The following TMCC1 variants were observed in gnomAD, a reference collection of about 807,000 sequenced individuals.
TMCC1 encodes the protein transmembrane and coiled-coil domain family 1.
In TMCC1, 15 loss-of-function variants were observed where a neutral mutation model predicts 52.4. The observed-to-expected ratio is 0.29, with a 90% confidence interval of 0.19 to 0.44. The LOEUF (loss-of-function observed/expected upper bound fraction) is 0.44, where lower values mean the gene tolerates loss of function less well. TMCC1 is among the 20% of genes least tolerant of loss of function. The pLI, the probability that TMCC1 is intolerant of heterozygous loss-of-function variation, is 1.00. For synonymous variants in TMCC1, 279 were observed against 301.9 expected (o/e 0.92, Z 0.79); for missense variants, 503 against 806.0 (o/e 0.62, Z 4.55).
intron 4 of TMCC1, among the ~76,000 whole-genome samples, chr3:129,753,319 A>G (rs2052697433): frequency 6.6e-6 from 1 of 152,218 alleles, no homozygotes; most frequent in Admixed American, 6.5e-5. Flanking sequence ...AAAAAGAGTG[A>G]ATTTTAGGAA....
chr3:129,717,431 C>T (rs1241889968), intron 4 of TMCC1, among the ~76,000 whole-genome samples: 4 of 152,112 alleles, frequency 2.6e-5, no homozygotes, highest in Non-Finnish European at 4.4e-5. Context: ...CTTCTTCTCC[C>T]TAATTACATT....
rs1472562154 is a variant in TMCC1, at chr3:129,670,917, C to T, written c.924G>A (p.Glu308=). 6.2e-7 allele frequency: 1 copy of T among 1,614,086 alleles called. No individual in the cohort carries two copies. Reference sequence around the variant, plus strand: ...GCCGGGGGATCCCATTCTGCTCTACCTCTCTGAGCTTCCTGTGGTAGTGCT... The same window carrying T: ...GCCGGGGGATCCCATTCTGCTCTACTTCTCTGAGCTTCCTGTGGTAGTGCT... ...KLEHYHRKLR[E]VEQNGIPRQP... Residue 308 remains glutamate, a synonymous_variant, in exon 5 of 7, where the codon GAG becomes GAA. Transcript: ENST00000393238.
chr3:129,668,615 AC>A (rs1225962887), intron 5 of TMCC1, among the ~76,000 whole-genome samples: 21 of 152,290 alleles, frequency 1.4e-4, no homozygotes, highest in African/African-American at 4.3e-4. Flanking sequence ...TTCTCAGTAT[AC>A]TTAAGAATTT....
intron 2 of TMCC1, among the ~76,000 whole-genome samples, chr3:129,860,162 T>C (rs1458533823): frequency 6.6e-6 from 1 of 152,194 alleles, no homozygotes; most frequent in Non-Finnish European, 1.5e-5. Context: ...TACTCCTTAC[T>C]AAGAACCACC....
chr3:129,671,911 T>A (rs1374062045), intron 4 of TMCC1, among the ~76,000 whole-genome samples: 2 of 152,162 alleles, frequency 1.3e-5, no homozygotes, highest in Admixed American at 1.3e-4. Context: ...CAAAGATGAA[T>A]GTTACCAAAT....
At chr3:129,891,660 A>C (rs1306461104) in intron 1 of TMCC1, among the ~76,000 whole-genome samples, 1 of 152,234 alleles carries the variant, frequency 6.6e-6, no homozygotes. Flanking sequence ...CCATACATAC[A>C]GAATAAAGCT....
At chr3:129,798,344 G>A (rs1255103384) in intron 4 of TMCC1, among the ~76,000 whole-genome samples, 4 of 151,918 alleles carry the variant, frequency 2.6e-5, no homozygotes, top group Non-Finnish European at 5.9e-5. Context: ...CATTTTTCTC[G>A]CAGAGATAGT....
At chr3:129,672,294 G>C (rs2088017828) in intron 4 of TMCC1, among the ~76,000 whole-genome samples, 1 of 152,162 alleles carries the variant, frequency 6.6e-6, no homozygotes, top group Admixed American at 6.5e-5. Flanking sequence ...TCCCAAAGAA[G>C]AAGGCTCTAG....
chr3:129,670,743 G>A lies in TMCC1; in HGVS notation c.1098C>T (p.Val366=), dbSNP rs1245749966. ...QATHSAAGAV[V]SKPREIASLI... ...GTGAGGCAATCTCTCTGGGCTTTGA[G>A]ACTACAGCGCCTGCTGCTGAATGGG... is the stretch of plus-strand genomic sequence containing the variant. The change falls in exon 5 of 7, where the codon GTC becomes GTT. Residue 366 remains valine, a synonymous_variant. Coordinates refer to ENST00000393238, the MANE Select transcript of TMCC1 (RefSeq NM_001017395.5). The A allele has an allele frequency of 6.2e-7, 1 of 1,614,154 alleles. No homozygotes were observed. The highest frequency in any genetic ancestry group is 1.7e-5 in the Admixed American group (1 of 60,020).
intron 4 of TMCC1, among the ~76,000 whole-genome samples, chr3:129,686,877 C>G (rs574369986): frequency 6.6e-6 from 1 of 152,084 alleles, no homozygotes; most frequent in South Asian, 2.1e-4. Flanking sequence ...GTAGGTTTCA[C>G]ATGCCAAGAA....
At chr3:129,796,625 G>A (rs1161205704) in intron 4 of TMCC1, among the ~76,000 whole-genome samples, 1 of 152,084 alleles carries the variant, frequency 6.6e-6, no homozygotes, top group East Asian at 1.9e-4. Flanking sequence ...TTCAAGACCA[G>A]CCTAGGCAAC....
chr3:129,763,204 T>TAAA (rs1177489452), intron 4 of TMCC1, among the ~76,000 whole-genome samples: 1 of 106,966 alleles, frequency 9.3e-6, no homozygotes, highest in African/African-American at 4.7e-5. Flanking sequence ...TCTCAAAAAA[T>TAAA]AAAAAATAAA....
At chr3:129,794,221 G>A (rs1015929804) in intron 4 of TMCC1, 12 of 439,876 alleles carry the variant, frequency 2.7e-5, no homozygotes, top group Non-Finnish European at 5.0e-5. Context: ...CCTCCTTAGC[G>A]CTGGAGGACG....
At chr3:129,741,881 C>T (rs2051488883) in intron 4 of TMCC1, among the ~76,000 whole-genome samples, 1 of 152,118 alleles carries the variant, frequency 6.6e-6, no homozygotes, top group Non-Finnish European at 1.5e-5. Flanking sequence ...CAGGCAAACA[C>T]CTCTCTGATT....
In TMCC1 at chr3:129,828,310, C is replaced by T; in HGVS notation, c.69G>A (p.Glu23=). Residue 23 remains glutamate (E), a synonymous_variant, in exon 4 of 7, where the codon GAG becomes GAA. Transcript: ENST00000393238. The surrounding 1 kb of genome is among the most constrained non-coding windows in gnomAD (Gnocchi z 4.1). Reference sequence around the variant, plus strand: ...GTTCTGATTCTGTCTGCTTTCTGGCCTCTGCATCTTGGGATTTGCCTCCAG... The same window carrying T: ...GTTCTGATTCTGTCTGCTTTCTGGCTTCTGCATCTTGGGATTTGCCTCCAG... ...PDPGGKSQDA[E]ARKQTESEQK... 1 of 1,614,068 alleles carries T rather than the reference C, an allele frequency of 6.2e-7. No homozygotes were observed. The highest frequency in any genetic ancestry group is 8.5e-7 in the Non-Finnish European group (1 of 1,180,008).
chr3:129,749,371 T>A (rs544876940), intron 4 of TMCC1, among the ~76,000 whole-genome samples: 1 of 152,220 alleles, frequency 6.6e-6, no homozygotes, highest in South Asian at 2.1e-4. Context: ...TAGTCATGTA[T>A]ACATATTAAA....
At chr3:129,733,487 C>T (rs1457307575) in intron 4 of TMCC1, among the ~76,000 whole-genome samples, 2 of 152,146 alleles carry the variant, frequency 1.3e-5, no homozygotes, top group East Asian at 3.8e-4. Flanking sequence ...GTTTATTCTG[C>T]TGTCAGGTAT....
intron 2 of TMCC1, among the ~76,000 whole-genome samples, chr3:129,859,270 T>TTATTTAAGCACGTAAG (rs1164150505): frequency 2.0e-5 from 3 of 152,210 alleles, no homozygotes; most frequent in African/African-American, 7.2e-5. Context: ...TTGCTTAAAC[T>TTATTTAAGCACGTAAG]TATTTAAGCA....
chr3:129,748,298 T>C (rs2052166848), intron 4 of TMCC1, among the ~76,000 whole-genome samples: 2 of 152,248 alleles, frequency 1.3e-5, no homozygotes, highest in South Asian at 2.1e-4. Flanking sequence ...GTTTTTGTTG[T>C]TGTTGTTGTT....
Sources: gnomAD v4.1 joint callset for allele counts (sites outside exome capture counted in the v4.1 genomes callset) on GRCh38, gnomAD v4.1.1 for gene constraint, Gnocchi (gnomAD v3.1) non-coding constraint, MANE v1.5 for transcripts, NCBI Gene and HGNC (gene_info 2026-07-23, HGNC 2026-07-21) for gene names.